Variants in GSK3B observed in about 807,000 individuals in gnomAD.
The protein encoded by GSK3B is glycogen synthase kinase 3 beta, also known as glycogen synthase kinase-3 beta.
Under a neutral mutation model 56.4 loss-of-function variants are expected in GSK3B, and 15 were observed. The observed-to-expected ratio is 0.27, with a 90% CI of 0.18 to 0.41. The LOEUF (loss-of-function observed/expected upper bound fraction) is 0.41. Ranked by LOEUF, GSK3B falls within the 10% of genes least tolerant of loss-of-function variation. GSK3B has a pLI of 1.00. For synonymous variants in GSK3B, 181 were observed against 188.9 expected, an observed-to-expected ratio of 0.96 and a Z score of 0.34; for missense variants, 300 against 513.4, an observed-to-expected ratio of 0.58 and a Z score of 4.02.
chr3:119,892,612 T>C (rs1480615403), intron 7 of GSK3B, among the ~76,000 whole-genome samples: 2 of 152,166 alleles, frequency 1.3e-5, no homozygotes, highest in African/African-American at 4.8e-5. Context: ...AAGAAACCTC[T>C]AAGTTCTTGC....
intron 7 of GSK3B, among the ~76,000 whole-genome samples, chr3:119,887,478 TAC>T (rs1278921874): frequency 6.6e-6 from 1 of 152,074 alleles, no homozygotes; most frequent in Admixed American, 6.6e-5. Context: ...ATGGAAATTG[TAC>T]AGTTAAAAAA....
Position 120,078,836 on chromosome 3 carries a change from C to T in GSK3B, c.88+14511G>A, listed in dbSNP as rs191143813. On this transcript the variant is annotated intron_variant, in intron 1 of 10. Transcript: ENST00000264235. ...CTCTGGGAGGGATTACAGACGTGAGCCACCGCACCTGGCCTGTCTCCTCTA... is the reference window on the plus strand; with the variant it reads ...CTCTGGGAGGGATTACAGACGTGAGTCACCGCACCTGGCCTGTCTCCTCTA... Among the ~76,000 whole-genome samples, 465 of 150,964 alleles carry T rather than the reference C, an allele frequency of 3.1e-3. 1 individual carries two copies. The highest frequency in any genetic ancestry group is 3.9e-3 in the Non-Finnish European group (262 of 67,756).
At chr3:120,035,267 T>A (rs779031242) in intron 1 of GSK3B, among the ~76,000 whole-genome samples, 1 of 152,138 alleles carries the variant, frequency 6.6e-6, no homozygotes, top group Non-Finnish European at 1.5e-5. Context: ...CCAAGAAATG[T>A]CAGGGATTGC....
rs545714548 is a variant in GSK3B, at chr3:119,959,039, T to C, written c.283-11688A>G. ...CAACTAAGGTTTACACAAAAATGATTGGTTGACTCCCTCTCTCCTTGAAAT... is the reference window on the plus strand; with the variant it reads ...CAACTAAGGTTTACACAAAAATGATCGGTTGACTCCCTCTCTCCTTGAAAT... On this transcript the variant is annotated intron_variant, in intron 2 of 10. Transcript: ENST00000264235. Among the ~76,000 whole-genome samples the C allele has an allele frequency of 6.6e-5, 10 of 152,346 alleles. No homozygotes were observed. In the South Asian group the frequency reaches 2.1e-3, roughly 32 times the overall value.
At chr3:119,848,605 C>A (rs1291521619) in intron 9 of GSK3B, among the ~76,000 whole-genome samples, 1 of 152,066 alleles carries the variant, frequency 6.6e-6, no homozygotes, top group Non-Finnish European at 1.5e-5. Flanking sequence ...TAATCCCTTC[C>A]CCTAAGACCC....
At chr3:119,901,749 C>G (rs914941220) in intron 7 of GSK3B, among the ~76,000 whole-genome samples, 4 of 151,972 alleles carry the variant, frequency 2.6e-5, no homozygotes, top group African/African-American at 9.7e-5. Context: ...TTGGTGCCCT[C>G]AGATATTAAA....
intron 1 of GSK3B, among the ~76,000 whole-genome samples, chr3:120,020,410 A>C (rs757917872): frequency 7.2e-5 from 11 of 152,184 alleles, no homozygotes; most frequent in Non-Finnish European, 2.9e-5. Flanking sequence ...ATGTTAACCA[A>C]GTCTATCAGT....
At chr3:120,051,244 A>T (rs1223933599) in intron 1 of GSK3B, among the ~76,000 whole-genome samples, 1 of 152,116 alleles carries the variant, frequency 6.6e-6, no homozygotes, top group African/African-American at 2.4e-5. Flanking sequence ...AAAGAAAGTC[A>T]GAAAATTTTA....
At chr3:119,875,330 G>A (rs2056298522) in intron 8 of GSK3B, among the ~76,000 whole-genome samples, 1 of 151,932 alleles carries the variant, frequency 6.6e-6, no homozygotes, top group African/African-American at 2.4e-5. Flanking sequence ...ATTCTACAGA[G>A]GGTAAATTAT....
At chr3:119,866,402 G>A (rs1219927541) in intron 8 of GSK3B, among the ~76,000 whole-genome samples, 1 of 152,076 alleles carries the variant, frequency 6.6e-6, no homozygotes, top group African/African-American at 2.4e-5. Flanking sequence ...CACCCAAGAG[G>A]CTGACAATCT....
At chr3:119,898,611 T>A (rs1218865855) in intron 7 of GSK3B, among the ~76,000 whole-genome samples, 2 of 152,132 alleles carry the variant, frequency 1.3e-5, no homozygotes, top group Non-Finnish European at 2.9e-5. Flanking sequence ...CAAAATTCCA[T>A]GAATAGAGGC....
At chr3:119,843,540 C>T (rs554332624) in intron 9 of GSK3B, 187 bp from the exon 10 acceptor site, 119 of 261,132 alleles carry the variant, frequency 4.6e-4, no homozygotes, top group South Asian at 1.0e-3. Flanking sequence ...GTCAGGAGTT[C>T]GAGATCAGCC....
At chr3:120,073,219 T>TA (rs972347264) in intron 1 of GSK3B, among the ~76,000 whole-genome samples, 20,845 of 70,454 alleles carry the variant, frequency 0.3, 2,041 homozygotes, top group Non-Finnish European at 0.35. Flanking sequence ...CAAAAAAAAT[T>TA]AAAAAAAAAA....
At chr3:119,899,985 TCA>T (rs891786119) in intron 7 of GSK3B, among the ~76,000 whole-genome samples, 1 of 152,094 alleles carries the variant, frequency 6.6e-6, no homozygotes, top group African/African-American at 2.4e-5. Context: ...ACATAAAATT[TCA>T]GTTACAGATA....
chr3:119,987,291 C>T (rs545516098), intron 2 of GSK3B, among the ~76,000 whole-genome samples: 13 of 152,174 alleles, frequency 8.5e-5, no homozygotes, highest in East Asian at 7.7e-4. Context: ...CAAACCTGTA[C>T]GTTGTGCACA....
chr3:120,043,447 T>C (rs1400636507), intron 1 of GSK3B, among the ~76,000 whole-genome samples: 3 of 152,228 alleles, frequency 2.0e-5, no homozygotes, highest in African/African-American at 7.2e-5. Flanking sequence ...CTTGTCTTGT[T>C]ACACCTTGTG....
chr3:119,988,021 C>T (rs1218715787), intron 2 of GSK3B, among the ~76,000 whole-genome samples: 2 of 152,106 alleles, frequency 1.3e-5, no homozygotes, highest in Non-Finnish European at 2.9e-5. Flanking sequence ...CATCCATAAA[C>T]AATTGTTGCC....
At chr3:120,027,137 G>A (rs1004850134) in intron 1 of GSK3B, among the ~76,000 whole-genome samples, 3 of 151,300 alleles carry the variant, frequency 2.0e-5, no homozygotes, top group Non-Finnish European at 4.4e-5. Flanking sequence ...CACTTTGGGA[G>A]GCCAAGACAG....
At position 120,063,373 on chromosome 3, in the gene GSK3B, C is replaced by T. The variant is rs766251203; in HGVS notation, c.88+29974G>A. Among the ~76,000 whole-genome samples the T allele has an allele frequency of 3.3e-5, 5 of 152,204 alleles. No individual in the cohort carries two copies. In the East Asian group the frequency reaches 5.8e-4, roughly 18 times the overall value. ...CACAAGAAGAACCAAGTATCTGGTC[C>T]CATCAAACTTTCCCTATTTAATACC... is the stretch of plus-strand genomic sequence containing the variant. On this transcript the variant is annotated intron_variant, in intron 1 of 10. Coordinates refer to ENST00000264235, the MANE Select transcript of GSK3B (RefSeq NM_001146156.2).
Sources: allele counts gnomAD v4.1 joint callset (sites outside exome capture counted in the v4.1 genomes callset), GRCh38; gene constraint gnomAD v4.1.1; transcripts MANE v1.5; gene names NCBI Gene and HGNC (gene_info 2026-07-23, HGNC 2026-07-21).